The following IL3RA variants were observed in gnomAD, a reference collection of about 807,000 sequenced individuals.
IL3RA encodes interleukin-3 receptor subunit alpha.
IL3RA carries 73 observed loss-of-function variants against 52.3 expected under a neutral mutation model. The ratio of observed to expected loss-of-function variants is 1.40; its 90% CI spans 1.16 to 1.70. The LOEUF is 1.70. IL3RA is among the 40% of genes most tolerant of loss of function. IL3RA has a pLI of 0.00. For synonymous variants in IL3RA, 260 were observed against 194.0 expected, an observed-to-expected ratio of 1.34 and a Z score of -2.83; for missense variants, 664 against 504.4, an observed-to-expected ratio of 1.32 and a Z score of -3.03.
chrX:1,341,741 C>T lies in IL3RA; in HGVS notation c.-25C>T, dbSNP rs200015918. 154 of 1,613,548 alleles carry T rather than the reference C, an allele frequency of 9.5e-5. No homozygotes were observed. In the East Asian group the frequency reaches 3.3e-3, roughly 35 times the overall value. On this transcript the variant is annotated 5_prime_UTR_variant, in exon 2 of 12. Coordinates refer to ENST00000331035, the MANE Select transcript of IL3RA (RefSeq NM_002183.4). The stretch of plus-strand genomic sequence containing the variant: ...TTTCTCCTGCAGCAGGCACCTCTGT[C>T]CTGCGTTCCGGAGCTGCGTTCCCGA...
At chrX:1,345,543 GCGGTGACC>G in intron 3 of IL3RA, 109 bp downstream of exon 3, 3 of 677,720 alleles carry the variant, frequency 4.4e-6, no homozygotes, top group Non-Finnish European at 6.6e-6. Context: ...AGGCTGGACT[GCGGTGACC>G]CGATCTCCGC....
intron 8 of IL3RA, 86 bp from the exon 9 acceptor site, chrX:1,365,052 A>T (rs1390797321): frequency 1.1e-6 from 1 of 888,110 alleles, no homozygotes; most frequent in Non-Finnish European, 1.8e-6. Flanking sequence ...CAGGTGATCC[A>T]CCTGCCTTGG....
chrX:1,376,693 C>A (rs1434260955), intron 9 of IL3RA, among the ~76,000 whole-genome samples: 43 of 142,290 alleles, frequency 3.0e-4, no homozygotes, highest in East Asian at 1.9e-3. Flanking sequence ...AGGAACCAGC[C>A]CTGCCCACAC....
rs201055139 is a variant in IL3RA at position 1,358,905 on chromosome X, C to T, written c.759+18C>T. 4 of 1,608,266 alleles carry T rather than the reference C, an allele frequency of 2.5e-6. No individual in the cohort carries two copies. The highest frequency in any genetic ancestry group is 3.4e-6 in the Non-Finnish European group (4 of 1,176,828). ...CAGAACAGGTGAGTGTTCCCTACCC[C>T]CAGCCGCTGTACTTGACATTGCAAA... On this transcript the variant is annotated intron_variant, in intron 8 of 11. Transcript: ENST00000331035.
chrX:1,360,769 C>T (rs2087206132), intron 8 of IL3RA, among the ~76,000 whole-genome samples: 1 of 151,834 alleles, frequency 6.6e-6, no homozygotes, highest in Admixed American at 6.6e-5. Context: ...CTCAGGCGAT[C>T]CACCTGCCTC....
intron 8 of IL3RA, among the ~76,000 whole-genome samples, chrX:1,360,159 TTCTC>T: frequency 8.0e-6 from 1 of 124,998 alleles, no homozygotes; most frequent in East Asian, 2.8e-4. Context: ...CTCTCTCCCT[TTCTC>T]CCTCCCTCCA....
At chrX:1,362,747 C>A (rs1191287818) in intron 8 of IL3RA, among the ~76,000 whole-genome samples, 1 of 151,756 alleles carries the variant, frequency 6.6e-6, no homozygotes, top group Non-Finnish European at 1.5e-5. Flanking sequence ...ACATGGCCTT[C>A]TCCTCTGCAT....
chrX:1,361,840 C>T (rs777447710), intron 8 of IL3RA, among the ~76,000 whole-genome samples: 1 of 151,906 alleles, frequency 6.6e-6, no homozygotes, highest in African/African-American at 2.4e-5. Flanking sequence ...TATTCACTAC[C>T]CCGAGAACAG....
intron 6 of IL3RA, among the ~76,000 whole-genome samples, chrX:1,354,252 C>T (rs1340932398): frequency 9.2e-5 from 14 of 152,144 alleles, no homozygotes; most frequent in South Asian, 2.1e-4. Context: ...CTTCTAACAC[C>T]GCCCAACCAG....
chrX:1,377,581 T>C (rs2088861369), intron 9 of IL3RA, among the ~76,000 whole-genome samples: 2 of 152,062 alleles, frequency 1.3e-5, no homozygotes. Flanking sequence ...TGTGGGACTT[T>C]TTTATGGCAG....
chrX:1,354,535 G>T (rs1301545191), intron 6 of IL3RA, among the ~76,000 whole-genome samples: 12 of 144,488 alleles, frequency 8.3e-5, no homozygotes, highest in Non-Finnish European at 6.1e-5. Context: ...GAAAAGGAGG[G>T]GGAGGAGGTA....
At position 1,370,138 on chromosome X, in the gene IL3RA, C is replaced by A. The variant is rs1162175594; in HGVS notation, c.874+4886C>A. 1.2e-4 allele frequency among the ~76,000 whole-genome samples: 3 copies of A among 24,120 alleles called. 1 individual carries two copies. In the Admixed American group the frequency reaches 1.6e-3, roughly 13 times the overall value. 15.8% of individuals were successfully genotyped at this position (24,120 alleles called of 152,430 possible). The stretch of plus-strand genomic sequence containing the variant: ...AGGGAGAAGACGGCGTCTCCAAGCC[C>A]AGGAGAGGGGCCTCAGGAGGAACCA... On this transcript the variant is annotated intron_variant, in intron 9 of 11. Coordinates refer to ENST00000331035, the MANE Select transcript of IL3RA (RefSeq NM_002183.4).
rs1453688016 is a variant in IL3RA at position 1,341,818 on chromosome X, A to G, written c.53A>G (p.Gln18Arg). Residue 18 changes from glutamine (Q) to arginine (R), a missense_variant, in exon 2 of 12, where the codon CAA (glutamine) becomes CGA (arginine). Coordinates refer to ENST00000331035, the MANE Select transcript of IL3RA (RefSeq NM_002183.4). Reference protein sequence around the residue: ...LLLIALPCLLQTKEDPNPPIT... With the variant: ...LLLIALPCLLRTKEDPNPPIT... ...CTGATCGCCCTGCCCTGTCTCCTGC[A>G]AACGAAGGAAGGTAAGAACTGGAGA... 2 of 1,613,784 alleles carry G rather than the reference A, an allele frequency of 1.2e-6. No individual in the cohort carries two copies. Among genetic ancestry groups the G allele is most frequent in the Non-Finnish European group, 1.7e-6 (2 of 1,179,852 alleles).
intron 1 of IL3RA, among the ~76,000 whole-genome samples, chrX:1,339,029 GTA>G (rs2085395331): frequency 6.6e-6 from 1 of 152,026 alleles, no homozygotes; most frequent in Admixed American, 6.6e-5. Flanking sequence ...TGTATGTTTA[GTA>G]TGTTTTGTAT....
chrX:1,367,152 G>C (rs1334739642), intron 9 of IL3RA, among the ~76,000 whole-genome samples: 1 of 28,888 alleles, frequency 3.5e-5, no homozygotes, highest in African/African-American at 3.4e-4. Context: ...CGGGGTGAGC[G>C]GGGTGCGCGG....
intron 8 of IL3RA, among the ~76,000 whole-genome samples, chrX:1,359,156 C>T (rs1330510136): frequency 1.3e-5 from 2 of 151,998 alleles, no homozygotes; most frequent in African/African-American, 4.8e-5. Context: ...TGACACCTCC[C>T]AAGGTGTGAG....
chrX:1,342,386 G>A (rs1182955349), intron 2 of IL3RA, among the ~76,000 whole-genome samples: 1 of 151,864 alleles, frequency 6.6e-6, no homozygotes, highest in Non-Finnish European at 1.5e-5. Flanking sequence ...GGCTGGTCTA[G>A]AACTGCTGAC....
At chrX:1,365,360 G>A (rs1162362490) in intron 9 of IL3RA, 108 bp downstream of exon 9, 2 of 425,160 alleles carry the variant, frequency 4.7e-6, no homozygotes, top group Admixed American at 5.9e-5. Flanking sequence ...GGGTGAGCGG[G>A]GTGAGCCGGG....
rs1393317490 is a variant in IL3RA, at chrX:1,345,559, C to G, written c.183+125C>G. ...GGCTGGACTGCGGTGACCCGATCTC[C>G]GCTCTCTGCAACCTCCACCTCCCAG... On this transcript the variant is annotated intron_variant, in intron 3 of 11. Transcript: ENST00000331035. 1.8e-5 allele frequency: 10 copies of G among 544,860 alleles called. No individual in the cohort carries two copies. In the Middle Eastern group the frequency reaches 1.7e-3, roughly 92 times the overall value. 33.8% of individuals were successfully genotyped at this position (544,860 alleles called of 1,614,324 possible).
Sources: gnomAD v4.1 joint callset for allele counts (sites outside exome capture counted in the v4.1 genomes callset) on GRCh38, gnomAD v4.1.1 for gene constraint, MANE v1.5 for transcripts, NCBI Gene and HGNC (gene_info 2026-07-23, HGNC 2026-07-21) for gene names.